The following FSTL5 variants were observed in gnomAD, a reference collection of about 807,000 sequenced individuals.
The protein encoded by FSTL5 is follistatin-related protein 5.
In FSTL5, 62 loss-of-function variants were observed where a neutral mutation model predicts 89.1. The observed-to-expected ratio is 0.70, with a 90% confidence interval of 0.57 to 0.86. The LOEUF is 0.86. Among genes scored for constraint, FSTL5 ranks in the 40% least tolerant of loss-of-function variants. The probability of loss-of-function intolerance (pLI) is 0.00; values close to 1 mark genes in which losing one functional copy is unlikely to be tolerated. For missense variants in FSTL5, 1,057 were observed against 1,001.6 expected, an observed-to-expected ratio of 1.06 and a Z score of -0.75; for synonymous variants, 383 against 346.2, an observed-to-expected ratio of 1.11 and a Z score of -1.18.
intron 8 of FSTL5, among the ~76,000 whole-genome samples, chr4:161,569,749 CAACACACA>C (rs1431453000): frequency 6.5e-4 from 71 of 108,772 alleles, no homozygotes; most frequent in Middle Eastern, 4.8e-3. Flanking sequence ...TCTTTAAGTC[CAACACACA>C]AACACACACA....
At chr4:161,413,509 G>C (rs1158983278) in intron 15 of FSTL5, among the ~76,000 whole-genome samples, 3 of 152,074 alleles carry the variant, frequency 2.0e-5, no homozygotes, top group Admixed American at 2.0e-4. Context: ...GTGGAAAGCA[G>C]TATGGCAATT....
chr4:161,658,623 G>A (rs1178353425), intron 6 of FSTL5, among the ~76,000 whole-genome samples: 1 of 152,002 alleles, frequency 6.6e-6, no homozygotes, highest in Non-Finnish European at 1.5e-5. Context: ...ACAGAGACAT[G>A]TATATACATA....
chr4:161,947,138 G>A (rs1560930606), intron 3 of FSTL5, among the ~76,000 whole-genome samples: 1 of 134,756 alleles, frequency 7.4e-6, no homozygotes, highest in Admixed American at 7.5e-5. Flanking sequence ...GGGTGTGTGT[G>A]TGTATGTGTG....
At chr4:162,042,406 CA>C (rs1383186362) in intron 2 of FSTL5, among the ~76,000 whole-genome samples, 1 of 151,946 alleles carries the variant, frequency 6.6e-6, no homozygotes, top group African/African-American at 2.4e-5. Context: ...TTCCCAGTGT[CA>C]AAATGGACAT....
At chr4:161,547,163 C>G (rs925916262) in intron 8 of FSTL5, among the ~76,000 whole-genome samples, 9 of 151,984 alleles carry the variant, frequency 5.9e-5, no homozygotes, top group African/African-American at 2.2e-4. Context: ...CCAATAGCCA[C>G]GTGAGTGAGT....
At chr4:161,616,751 C>T (rs1341107666) in intron 7 of FSTL5, among the ~76,000 whole-genome samples, 3 of 151,850 alleles carry the variant, frequency 2.0e-5, no homozygotes, top group Non-Finnish European at 4.4e-5. Flanking sequence ...AGGTGGCATG[C>T]AGAGCTTAAT....
intron 3 of FSTL5, among the ~76,000 whole-genome samples, chr4:162,010,100 C>G (rs1246253129): frequency 6.6e-6 from 1 of 151,932 alleles, no homozygotes; most frequent in Non-Finnish European, 1.5e-5. Flanking sequence ...TGTAGGTTAA[C>G]TTGCTTTTTA....
chr4:161,757,876 C>CCCAA (rs1221083389), intron 6 of FSTL5, among the ~76,000 whole-genome samples: 1 of 152,156 alleles, frequency 6.6e-6, no homozygotes, highest in African/African-American at 2.4e-5. Flanking sequence ...ACCTCAGCCT[C>CCCAA]CCAAAGTGCT....
At position 162,097,664 on chromosome 4, in the gene FSTL5, A is replaced by G. The variant is rs897730347; in HGVS notation, c.126+13607T>C. ...AATTTACAACAATGGCAAAAATTGG[A>G]GCAGACCCTTCACAAAAGAAAATTT... On this transcript the variant is annotated intron_variant, in intron 2 of 15. Coordinates refer to ENST00000306100, the MANE Select transcript of FSTL5 (RefSeq NM_020116.5). Among the ~76,000 whole-genome samples, 26 of 151,920 alleles carry G rather than the reference A, an allele frequency of 1.7e-4. 1 individual carries two copies. The highest frequency in any genetic ancestry group is 1.7e-3 in the Admixed American group (26 of 15,238).
intron 3 of FSTL5, among the ~76,000 whole-genome samples, chr4:161,999,676 A>G (rs1370880344): frequency 6.6e-6 from 1 of 152,348 alleles, no homozygotes; most frequent in East Asian, 1.9e-4. Context: ...CTAAATTGTC[A>G]CCATGATAGC....
intron 6 of FSTL5, among the ~76,000 whole-genome samples, chr4:161,740,916 C>A (rs943636565): frequency 6.6e-6 from 1 of 152,142 alleles, no homozygotes; most frequent in Non-Finnish European, 1.5e-5. Context: ...GGTGAGGGCC[C>A]ACTTCCTGGT....
At chr4:161,614,221 T>C (rs1223999059) in intron 7 of FSTL5, among the ~76,000 whole-genome samples, 1 of 152,192 alleles carries the variant, frequency 6.6e-6, no homozygotes, top group Non-Finnish European at 1.5e-5. Context: ...TTGGTATGAA[T>C]GTTAAAGCTT....
intron 3 of FSTL5, among the ~76,000 whole-genome samples, chr4:161,940,365 A>C (rs183777231): frequency 6.6e-6 from 1 of 151,924 alleles, no homozygotes; most frequent in Non-Finnish European, 1.5e-5. Flanking sequence ...AAAGAAGGAA[A>C]ATATTTGAAA....
intron 15 of FSTL5, among the ~76,000 whole-genome samples, chr4:161,406,967 T>C (rs1237477385): frequency 6.6e-6 from 1 of 152,206 alleles, no homozygotes; most frequent in East Asian, 1.9e-4. Flanking sequence ...CACTGTTTTT[T>C]ATATGTCTAA....
At chr4:161,600,178 C>CACACAT (rs1734177834) in intron 7 of FSTL5, among the ~76,000 whole-genome samples, 1 of 151,568 alleles carries the variant, frequency 6.6e-6, no homozygotes, top group East Asian at 1.9e-4. Context: ...CACACACACA[C>CACACAT]ACACACACAC....
At chr4:161,895,579 A>T (rs58740575) in intron 4 of FSTL5, among the ~76,000 whole-genome samples, 6,014 of 152,234 alleles carry the variant, frequency 0.04, 186 homozygotes, top group East Asian at 0.15. Flanking sequence ...TTCTATCCAC[A>T]GCAGTTGTAG....
intron 15 of FSTL5, among the ~76,000 whole-genome samples, chr4:161,415,820 GGA>G (rs1491462782): frequency 4.0e-5 from 1 of 25,134 alleles, no homozygotes; most frequent in Non-Finnish European, 7.8e-5. Context: ...TACATATAGG[GGA>G]TATATATATA....
At chr4:161,694,485 T>C (rs1339201265) in intron 6 of FSTL5, among the ~76,000 whole-genome samples, 1 of 152,116 alleles carries the variant, frequency 6.6e-6, no homozygotes, top group Non-Finnish European at 1.5e-5. Context: ...ATTGATATTC[T>C]CTACTTATTC....
In FSTL5 at chr4:161,572,810, C is replaced by A. The variant is rs557581866; in HGVS notation, c.1015+14645G>T. On this transcript the variant is annotated intron_variant, in intron 8 of 15. Transcript: ENST00000306100. ...AAACAGAACTCTACCAACCCACAAT[C>A]AGACTGTAGGAGAAGTGAGAAATAA... 2.6e-5 allele frequency among the ~76,000 whole-genome samples: 4 copies of A among 152,182 alleles called. No individual in the cohort carries two copies. The East Asian group carries it at 7.7e-4, about 29-fold the overall frequency.
Sources: gnomAD v4.1 joint callset for allele counts (sites outside exome capture counted in the v4.1 genomes callset) on GRCh38, gnomAD v4.1.1 for gene constraint, MANE v1.5 for transcripts, NCBI Gene and HGNC (gene_info 2026-07-23, HGNC 2026-07-21) for gene names.